EPS15: variants seen among roughly 807,000 people sequenced by gnomAD.
EPS15 encodes epidermal growth factor receptor substrate 15.
In EPS15, 72 loss-of-function variants were observed where a neutral mutation model predicts 113.8. That is an observed-to-expected ratio of 0.63 (90% CI 0.52 to 0.77). EPS15 has a LOEUF of 0.77. Ranked by LOEUF, EPS15 falls within the 30% of genes least tolerant of loss-of-function variation. The pLI, the probability that EPS15 is intolerant of heterozygous loss-of-function variation, is 0.00. For synonymous variants in EPS15, 344 were observed against 363.4 expected (o/e 0.95, Z 0.61); for missense variants, 1,048 against 1,045.8 (o/e 1.00, Z -0.03).
intron 2 of EPS15, among the ~76,000 whole-genome samples, chr1:51,476,350 C>T (rs1378664095): frequency 6.6e-6 from 1 of 152,076 alleles, no homozygotes; most frequent in Non-Finnish European, 1.5e-5. Flanking sequence ...AATGTTCTTC[C>T]ATTTGTTTGT....
intron 3 of EPS15, 101 bp downstream of exon 3, chr1:51,472,758 T>C: frequency 1.1e-6 from 1 of 874,310 alleles, no homozygotes; most frequent in Non-Finnish European, 1.9e-6. Context: ...CGGTTCTAAC[T>C]TCTAAATTTC....
At chr1:51,471,793 T>A (rs962973700) in intron 3 of EPS15, 56 bp from the exon 4 acceptor site, 17 of 1,250,638 alleles carry the variant, frequency 1.4e-5, no homozygotes, top group Non-Finnish European at 2.0e-5. Context: ...GTCATCTGAA[T>A]GATAAATTAA....
chr1:51,507,784 A>G (rs1248400593), intron 1 of EPS15, among the ~76,000 whole-genome samples: 1 of 152,142 alleles, frequency 6.6e-6, no homozygotes, highest in Non-Finnish European at 1.5e-5. Context: ...AACGATGTAA[A>G]AGACTAAAAT....
At chr1:51,519,080 C>A (rs1644791680) in intron 1 of EPS15, 119 bp downstream of exon 1, 1 of 629,460 alleles carries the variant, frequency 1.6e-6, no homozygotes, top group Non-Finnish European at 2.5e-6. Context: ...ACCGGCCGCC[C>A]GGCCCACAAG....
chr1:51,403,323 T>C (rs1648764106), intron 17 of EPS15, 96 bp downstream of exon 17: 3 of 566,860 alleles, frequency 5.3e-6, no homozygotes, highest in Non-Finnish European at 9.3e-6. Context: ...ATCTGAATAA[T>C]GTATATTGTA....
chr1:51,366,494 C>G (rs1317858596), intron 21 of EPS15, among the ~76,000 whole-genome samples: 3 of 152,090 alleles, frequency 2.0e-5, no homozygotes, highest in African/African-American at 7.2e-5. Flanking sequence ...CTGATAACCC[C>G]ACAAGATGTA....
chr1:51,434,203 CA>C (rs1195549372), intron 12 of EPS15, among the ~76,000 whole-genome samples: 5 of 152,192 alleles, frequency 3.3e-5, no homozygotes, highest in Admixed American at 3.3e-4. Flanking sequence ...AAATATACTC[CA>C]AAGAACTGAC....
intron 21 of EPS15, among the ~76,000 whole-genome samples, chr1:51,393,225 C>CT (rs34916618): frequency 0.056 from 8,585 of 152,006 alleles, 337 homozygotes; most frequent in Non-Finnish European, 0.086. Flanking sequence ...TAGAGCCAGC[C>CT]TTTTTTTTGG....
rs1272188186 is a variant in EPS15, at chr1:51,519,254, G to A, written c.-23C>T. ...CATGGTGTTTCCATCATGCAAGGGA[G>A]GGGAAGGAAGACGGGCTGACTGGGG... On this transcript the variant is annotated 5_prime_UTR_variant, in exon 1 of 25. Coordinates refer to ENST00000371733, the MANE Select transcript of EPS15 (RefSeq NM_001981.3). 2 of 1,347,654 alleles carry A rather than the reference G, an allele frequency of 1.5e-6. No homozygotes were observed. Among genetic ancestry groups the A allele is most frequent in the African/African-American group, 1.5e-5 (1 of 66,858 alleles). 83.5% of individuals were successfully genotyped at this position (1,347,654 alleles called of 1,614,324 possible). A position where few individuals can be genotyped will look rare whatever the true frequency, so the allele number is the denominator to read the frequency against.
chr1:51,418,223 T>C (rs1650420355), intron 13 of EPS15, among the ~76,000 whole-genome samples: 3 of 152,088 alleles, frequency 2.0e-5, no homozygotes, highest in Admixed American at 2.0e-4. Flanking sequence ...TTGGGTGTTA[T>C]CAGCATATGG....
intron 1 of EPS15, among the ~76,000 whole-genome samples, chr1:51,503,893 T>C (rs1490745413): frequency 6.6e-6 from 1 of 152,004 alleles, no homozygotes; most frequent in Non-Finnish European, 1.5e-5. Context: ...GCAAAAGATA[T>C]CCACTAGCAA....
intron 8 of EPS15, among the ~76,000 whole-genome samples, chr1:51,460,140 C>T (rs1654331000): frequency 6.6e-6 from 1 of 151,986 alleles, no homozygotes; most frequent in East Asian, 1.9e-4. Flanking sequence ...AGAGAACAAC[C>T]ACGAAAGAGA....
At position 51,519,248 on chromosome 1, in the gene EPS15, A is replaced by G; in HGVS notation, c.-17T>C. ...CGCAGCCATGGTGTTTCCATCATGC[A>G]AGGGAGGGGAAGGAAGACGGGCTGA... On this transcript the variant is annotated 5_prime_UTR_variant, in exon 1 of 25. Transcript: ENST00000371733. 1 of 1,215,008 alleles carries G rather than the reference A, an allele frequency of 8.2e-7. No individual in the cohort carries two copies. The highest frequency in any genetic ancestry group is 4.5e-5 in the East Asian group (1 of 22,114). 75.3% of individuals were successfully genotyped at this position (1,215,008 alleles called of 1,614,324 possible).
At chr1:51,443,051 G>T (rs1316554861) in intron 11 of EPS15, among the ~76,000 whole-genome samples, 10 of 152,070 alleles carry the variant, frequency 6.6e-5, no homozygotes, top group Admixed American at 6.6e-4. Flanking sequence ...AAAATTTTGG[G>T]TTAATAGATA....
chr1:51,427,165 T>C (rs1651295781), intron 12 of EPS15, among the ~76,000 whole-genome samples: 1 of 152,164 alleles, frequency 6.6e-6, no homozygotes, highest in South Asian at 2.1e-4. Flanking sequence ...AGATGCTAAA[T>C]AAAAAGTTAA....
At chr1:51,410,261 C>T (rs537515423) in intron 13 of EPS15, among the ~76,000 whole-genome samples, 10 of 151,316 alleles carry the variant, frequency 6.6e-5, no homozygotes, top group South Asian at 6.3e-4. Context: ...CGTGGTAGTA[C>T]GTGCCTGTGG....
intron 12 of EPS15, among the ~76,000 whole-genome samples, chr1:51,426,203 T>C (rs1460553254): frequency 3.3e-5 from 5 of 151,648 alleles, no homozygotes; most frequent in South Asian, 2.1e-4. Flanking sequence ...TTTTAGGAGA[T>C]TGCTTCTCTT....
chr1:51,474,599 T>C (rs889960426), intron 2 of EPS15, among the ~76,000 whole-genome samples: 1 of 152,232 alleles, frequency 6.6e-6, no homozygotes, highest in Non-Finnish European at 1.5e-5. Context: ...TATTTTCTAA[T>C]AGCTATGTGC....
intron 20 of EPS15, among the ~76,000 whole-genome samples, chr1:51,397,759 T>C (rs1489562061): frequency 6.6e-6 from 1 of 152,250 alleles, no homozygotes; most frequent in African/African-American, 2.4e-5. Context: ...CCTATTATCT[T>C]TAAAATAATC....
Sources: gnomAD v4.1 joint callset for allele counts (sites outside exome capture counted in the v4.1 genomes callset) on GRCh38, gnomAD v4.1.1 for gene constraint, MANE v1.5 for transcripts, NCBI Gene and HGNC (gene_info 2026-07-23, HGNC 2026-07-21) for gene names.